CCDC40: variants seen among roughly 807,000 people sequenced by gnomAD.
CCDC40 encodes the protein coiled-coil domain 40 molecular ruler complex subunit, also known as coiled-coil domain-containing protein 40.
A neutral mutation model predicts 124.5 loss-of-function variants in CCDC40; 104 were observed. That is an observed-to-expected ratio of 0.84 (90% CI 0.71 to 0.98). The LOEUF (loss-of-function observed/expected upper bound fraction) is 0.98. CCDC40 is among the 50% of genes least tolerant of loss of function. The pLI is 0.00. For missense variants in CCDC40, 1,463 were observed against 1,503.9 expected (o/e 0.97, Z 0.45); for synonymous variants, 580 against 602.9 (o/e 0.96, Z 0.56).
chr17:80,088,454 G>A (rs1038874714), intron 16 of CCDC40: 2 of 348,190 alleles, frequency 5.7e-6, no homozygotes, highest in Non-Finnish European at 1.1e-5. Context: ...GTTTCACCCT[G>A]TTGGCCAGGC....
In CCDC40 at chr17:80,099,597, T is replaced by C; in HGVS notation, c.3251T>C (p.Val1084Ala). 1 of 1,613,726 alleles carries C rather than the reference T, an allele frequency of 6.2e-7. No homozygotes were observed. The highest frequency in any genetic ancestry group is 8.5e-7 in the Non-Finnish European group (1 of 1,180,010). The change falls in exon 20 of 20, where the codon GTG (valine) becomes GCG (alanine). Residue 1084 changes from valine (V) to alanine (A), a missense_variant. Val to Ala is a moderately conservative substitution (Grantham distance 64, BLOSUM62 0). Coordinates refer to ENST00000397545, the MANE Select transcript of CCDC40 (RefSeq NM_017950.4). Reference protein sequence around the residue: ...HLQAVKEGRYVFLFRSKQSLV... With the variant: ...HLQAVKEGRYAFLFRSKQSLV... ...CAGGCTGTGAAGGAGGGGCGCTACG[T>C]GTTCCTGTTCCGCTCCAAGCAGTCC... is the stretch of plus-strand genomic sequence containing the variant.
At chr17:80,043,630 CAG>C (rs1252086224) in intron 3 of CCDC40, among the ~76,000 whole-genome samples, 1 of 105,722 alleles carries the variant, frequency 9.5e-6, no homozygotes, top group Non-Finnish European at 1.9e-5. Context: ...TTTTTTGAAA[CAG>C]AGTCTTGCCC....
chr17:80,090,237 A>C lies in CCDC40; in HGVS notation c.2832+353A>C. The C allele has an allele frequency of 9.1e-6, 8 of 878,698 alleles. No individual in the cohort carries two copies. In the East Asian group the frequency reaches 9.3e-5, roughly 10 times the overall value. The allele number at this position is 878,698 out of a possible 1,614,324, so 54.4% of individuals were successfully genotyped here. A position where few individuals can be genotyped will look rare whatever the true frequency, so the allele number is the denominator to read the frequency against. On this transcript the variant is annotated intron_variant, in intron 17 of 19. Coordinates refer to ENST00000397545, the MANE Select transcript of CCDC40 (RefSeq NM_017950.4). ...CGAAGAACACGGGACGCGCGCAGGC[A>C]CGTGCACGAACAACACGGGACGCGC...
intron 10 of CCDC40, chr17:80,067,557 C>T: frequency 2.0e-6 from 3 of 1,533,112 alleles, no homozygotes; most frequent in Middle Eastern, 1.7e-4. Context: ...TCGTTCCCGC[C>T]TTTCTACCAC....
Position 80,050,195 on chromosome 17 carries a change from C to T in CCDC40, c.1071C>T (p.Ser357=), listed in dbSNP as rs757089648. ...KSHDRHAMAS[S]ERRQKEEELQ... ...ACGACCGCCACGCAATGGCCTCGAG[C>T]GAGCGCAGGCAGAAGGAGGAGGAGC... Residue 357 remains serine (S), a synonymous_variant, in exon 7 of 20, where the codon AGC becomes AGT. Transcript: ENST00000397545. 29 of 1,611,580 alleles carry T rather than the reference C, an allele frequency of 1.8e-5. No homozygotes were observed. The highest frequency in any genetic ancestry group is 2.3e-5 in the Non-Finnish European group (27 of 1,179,578).
chr17:80,064,274 C>T (rs1027557962), intron 9 of CCDC40, among the ~76,000 whole-genome samples: 2 of 152,230 alleles, frequency 1.3e-5, no homozygotes, highest in African/African-American at 4.8e-5. Context: ...GGTTCAGTCA[C>T]TGTCTACCAA....
intron 5 of CCDC40, 23 bp from the exon 6 acceptor site, chr17:80,049,883 C>T (rs1252612991): frequency 1.2e-6 from 2 of 1,608,412 alleles, no homozygotes; most frequent in Admixed American, 1.7e-5. Context: ...AAGGTAACCA[C>T]CTGTGGTTTT....
Position 80,058,475 on chromosome 17 carries a change from C to G in CCDC40, c.1160-19C>G. On this transcript the variant is annotated intron_variant, in intron 7 of 19. Coordinates refer to ENST00000397545, the MANE Select transcript of CCDC40 (RefSeq NM_017950.4). This position sits in a 1 kb window ranked among gnomAD's most constrained non-coding sequence, Gnocchi z 4.2. Reference sequence around the variant, plus strand: ...CCCCACTCACTCTCTCTCTCTTTCTCCCCCGCCGCGCCCCGCAGTGGCGGC... The same window carrying G: ...CCCCACTCACTCTCTCTCTCTTTCTGCCCCGCCGCGCCCCGCAGTGGCGGC... The G allele has an allele frequency of 6.2e-7, 1 of 1,612,278 alleles. No homozygotes were observed. The highest frequency in any genetic ancestry group is 8.5e-7 in the Non-Finnish European group (1 of 1,179,438).
chr17:80,037,688 A>AAAAAAAAAT, intron 1 of CCDC40, among the ~76,000 whole-genome samples: 2 of 45,678 alleles, frequency 4.4e-5, no homozygotes, highest in African/African-American at 1.2e-4. Context: ...TTTTTTAAAA[A>AAAAAAAAAT]AGATATACAT....
intron 12 of CCDC40, among the ~76,000 whole-genome samples, chr17:80,082,367 C>T (rs2038473678): frequency 1.3e-5 from 2 of 150,634 alleles, no homozygotes; most frequent in Non-Finnish European, 3.0e-5. Context: ...TTCGCATCCC[C>T]TGGGATCTTG....
At chr17:80,078,248 A>G (rs1000480636) in intron 10 of CCDC40, among the ~76,000 whole-genome samples, 7 of 150,428 alleles carry the variant, frequency 4.7e-5, no homozygotes, top group Admixed American at 6.7e-5. Flanking sequence ...GGAGAATGGC[A>G]TGAACCTGGG....
chr17:80,086,287 A>C lies in CCDC40; in HGVS notation c.2449+71A>C. ...CTGGGACGTGGGCACCTCCCAGGGG[A>C]GGGGCACTCAGTGGGGCACGTCGCT... On this transcript the variant is annotated intron_variant, in intron 14 of 19. Transcript: ENST00000397545. The surrounding 1 kb of genome is among the most constrained non-coding windows in gnomAD (Gnocchi z 5.5). 1 of 1,289,330 alleles carries C rather than the reference A, an allele frequency of 7.8e-7. No homozygotes were observed. The highest frequency in any genetic ancestry group is 2.5e-5 in the East Asian group (1 of 39,800). The allele number at this position is 1,289,330 out of a possible 1,614,324, so 79.9% of individuals were successfully genotyped here.
intron 10 of CCDC40, among the ~76,000 whole-genome samples, chr17:80,080,716 T>G (rs1224403363): frequency 6.6e-6 from 1 of 152,154 alleles, no homozygotes; most frequent in Non-Finnish European, 1.5e-5. Context: ...CTCCCCATAA[T>G]CACAGTACAA....
Position 80,048,846 on chromosome 17 carries a change from C to T in CCDC40, c.855+85C>T, listed in dbSNP as rs375773924. 490 of 1,191,012 alleles carry T rather than the reference C, an allele frequency of 4.1e-4. 6 individuals carry two copies. In the East Asian group the frequency reaches 9.9e-3, roughly 24 times the overall value. 73.8% of individuals were successfully genotyped at this position (1,191,012 alleles called of 1,614,324 possible). On this transcript the variant is annotated intron_variant, in intron 5 of 19. Coordinates refer to ENST00000397545, the MANE Select transcript of CCDC40 (RefSeq NM_017950.4). Reference sequence around the variant, plus strand: ...CTTTCTCTGCCTGCACTGTCTCCCACTCCTGACCCTAAATGCTGTACTTGT... The same window carrying T: ...CTTTCTCTGCCTGCACTGTCTCCCATTCCTGACCCTAAATGCTGTACTTGT...
chr17:80,037,063 G>A (rs908126096), intron 1 of CCDC40, among the ~76,000 whole-genome samples: 4 of 152,158 alleles, frequency 2.6e-5, no homozygotes, highest in Admixed American at 1.3e-4. Flanking sequence ...GCTCTGCAGG[G>A]CGCGGGGCTG....
intron 19 of CCDC40, among the ~76,000 whole-genome samples, chr17:80,098,249 G>A (rs2038846606): frequency 6.6e-6 from 1 of 152,250 alleles, no homozygotes; most frequent in African/African-American, 2.4e-5. Context: ...GCAGAGAGGG[G>A]CGGCCCAGAC....
In CCDC40 at chr17:80,087,267, C is replaced by A; in HGVS notation, c.2450-340C>A. Reference sequence around the variant, plus strand: ...CAGTGTCTGAGCATCAACCAGGTCCCGGTGCTCCACAGATTTGCAAGTGTC... The same window carrying A: ...CAGTGTCTGAGCATCAACCAGGTCCAGGTGCTCCACAGATTTGCAAGTGTC... On this transcript the variant is annotated intron_variant, in intron 14 of 19. Coordinates refer to ENST00000397545, the MANE Select transcript of CCDC40 (RefSeq NM_017950.4). The surrounding 1 kb of genome is among the most constrained non-coding windows in gnomAD (Gnocchi z 4.5). The A allele has an allele frequency of 2.5e-6, 1 of 400,058 alleles. No homozygotes were observed. The highest frequency in any genetic ancestry group is 5.7e-5 in the East Asian group (1 of 17,494). The allele number at this position is 400,058 out of a possible 1,614,324, so 24.8% of individuals were successfully genotyped here.
At chr17:80,078,309 C>T (rs912228635) in intron 10 of CCDC40, among the ~76,000 whole-genome samples, 16 of 124,036 alleles carry the variant, frequency 1.3e-4, no homozygotes, top group African/African-American at 4.4e-4. Flanking sequence ...CCAGCCTGGG[C>T]AACAGAGCGA....
chr17:80,065,348 C>A lies in CCDC40; in HGVS notation c.1441-137C>A, dbSNP rs78696842. ...ATTCAGGCTCGTGTTTACCCCTCTG[C>A]AGATGCATGATCAAGGAAAGTACCG... On this transcript the variant is annotated intron_variant, in intron 9 of 19. Coordinates refer to ENST00000397545, the MANE Select transcript of CCDC40 (RefSeq NM_017950.4). The A allele has an allele frequency of 3.2e-3, 3,761 of 1,184,412 alleles. 89 individuals are homozygous for A. The African/African-American group carries it at 0.051, about 16-fold the overall frequency. The allele number at this position is 1,184,412 out of a possible 1,614,324, so 73.4% of individuals were successfully genotyped here. A position where few individuals can be genotyped will look rare whatever the true frequency, so the allele number is the denominator to read the frequency against.
Sources: allele counts gnomAD v4.1 joint callset (sites outside exome capture counted in the v4.1 genomes callset), GRCh38; gene constraint gnomAD v4.1.1; non-coding constraint Gnocchi (gnomAD v3.1); transcripts MANE v1.5; gene names NCBI Gene and HGNC (gene_info 2026-07-23, HGNC 2026-07-21).